Variants in ATOSB observed in about 807,000 individuals in gnomAD.
ATOSB encodes atos homolog B.
chr9:35,116,064 C>T, the ATOSB span, among the ~76,000 whole-genome samples: 1 of 152,022 alleles, frequency 6.6e-6, no homozygotes, highest in Non-Finnish European at 1.5e-5. Flanking sequence ...TTCGCGTTTT[C>T]TTTGCATTTC....
At chr9:35,111,775 G>A in the ATOSB span, among the ~76,000 whole-genome samples, 1 of 152,174 alleles carries the variant, frequency 6.6e-6, no homozygotes, top group Non-Finnish European at 1.5e-5. Flanking sequence ...GGTCCATAAG[G>A]GGGTAGGCTT....
the ATOSB span, chr9:35,105,609 CGAAGCAAGGAGAGA>C: frequency 6.7e-7 from 1 of 1,488,272 alleles, no homozygotes; most frequent in Non-Finnish European, 9.2e-7. This position sits in a 1 kb window ranked among gnomAD's most constrained non-coding sequence, Gnocchi z 5.5. Context: ...CGGACAGTAT[CGAAGCAAGGAGAGA>C]TCCTCTTCAG....
chr9:35,106,242 C>T, the ATOSB span: 2 of 1,613,064 alleles, frequency 1.2e-6, no homozygotes, highest in African/African-American at 2.7e-5. This position sits in a 1 kb window ranked among gnomAD's most constrained non-coding sequence, Gnocchi z 4.6. Flanking sequence ...GGGTTGGAGT[C>T]AAGGCATACC....
At chr9:35,106,665 A>G in the ATOSB span, 1 of 1,530,496 alleles carries the variant, frequency 6.5e-7, no homozygotes, top group Non-Finnish European at 8.9e-7. The surrounding 1 kb of genome is among the most constrained non-coding windows in gnomAD (Gnocchi z 4.6). Context: ...AGGGAAACAC[A>G]GGGGGTTGGC....
chr9:35,109,443 A>T, the ATOSB span: 1 of 152,390 alleles, frequency 6.6e-6, no homozygotes, highest in Non-Finnish European at 1.5e-5. Context: ...GCAACTAGGG[A>T]GTACCTCTCC....
the ATOSB span, among the ~76,000 whole-genome samples, chr9:35,113,809 G>A: frequency 3.9e-5 from 6 of 152,028 alleles, no homozygotes; most frequent in East Asian, 1.2e-3. Context: ...CATGAGAGCA[G>A]CAACTTTGTT....
chr9:35,109,250 C>G, the ATOSB span: 1 of 152,490 alleles, frequency 6.6e-6, no homozygotes, highest in African/African-American at 2.4e-5. Flanking sequence ...CAGCTCAGAG[C>G]TGGCCTTTCA....
At chr9:35,110,884 A>G in the ATOSB span, 9 of 152,144 alleles carry the variant, frequency 5.9e-5, no homozygotes, top group African/African-American at 2.2e-4. Flanking sequence ...ATTCCTATCC[A>G]TGTGCTTTCC....
the ATOSB span, chr9:35,106,201 A>G: frequency 6.2e-7 from 1 of 1,609,814 alleles, no homozygotes; most frequent in Non-Finnish European, 8.5e-7. The surrounding 1 kb of genome is among the most constrained non-coding windows in gnomAD (Gnocchi z 4.6). Flanking sequence ...CCCCGCCCCC[A>G]AATCCTCATC....
the ATOSB span, chr9:35,108,301 C>A: frequency 1.3e-6 from 2 of 1,517,570 alleles, no homozygotes; most frequent in Non-Finnish European, 1.8e-6. Flanking sequence ...CAGGGGGGCC[C>A]CCCAACACGG....
chr9:35,106,874 A>G, the ATOSB span: 8 of 1,571,620 alleles, frequency 5.1e-6, no homozygotes, highest in Non-Finnish European at 6.9e-6. This position sits in a 1 kb window ranked among gnomAD's most constrained non-coding sequence, Gnocchi z 4.6. Context: ...GCCCCATGGG[A>G]CCGCAGTCTG....
chr9:35,106,318 G>A, the ATOSB span: 1,340 of 1,614,196 alleles, frequency 8.3e-4, 14 homozygotes, highest in South Asian at 0.013. The surrounding 1 kb of genome is among the most constrained non-coding windows in gnomAD (Gnocchi z 4.6). Flanking sequence ...GCAGCGTGAC[G>A]TGCTGGGGGC....
the ATOSB span, chr9:35,108,298 G>C: frequency 1.3e-6 from 2 of 1,521,176 alleles, no homozygotes; most frequent in East Asian, 2.5e-5. Flanking sequence ...GGTCAGGGGG[G>C]CCCCCCAACA....
chr9:35,113,604 A>C, the ATOSB span, among the ~76,000 whole-genome samples: 1 of 151,710 alleles, frequency 6.6e-6, no homozygotes, highest in Non-Finnish European at 1.5e-5. Flanking sequence ...AGCCTGGGTG[A>C]CAGAGTGAGT....
chr9:35,105,035 C>T, the ATOSB span: 1 of 580,284 alleles, frequency 1.7e-6, no homozygotes, highest in Non-Finnish European at 2.8e-6. The surrounding 1 kb of genome is among the most constrained non-coding windows in gnomAD (Gnocchi z 5.5). Flanking sequence ...ACATGGAGTA[C>T]CCGAAGTAGG....
the ATOSB span, chr9:35,104,999 T>G: frequency 7.0e-6 from 3 of 428,390 alleles, no homozygotes; most frequent in Non-Finnish European, 1.2e-5. Flanking sequence ...TAAGCTGGCC[T>G]GGGAAACCCA....
chr9:35,106,718 C>T, the ATOSB span: 1 of 1,460,042 alleles, frequency 6.8e-7, no homozygotes, highest in Non-Finnish European at 9.4e-7. This position sits in a 1 kb window ranked among gnomAD's most constrained non-coding sequence, Gnocchi z 4.6. Context: ...TGGACTCCAC[C>T]CTCTGCCACT....
At chr9:35,106,911 G>A in the ATOSB span, 2 of 1,560,812 alleles carry the variant, frequency 1.3e-6, no homozygotes, top group East Asian at 2.4e-5. The surrounding 1 kb of genome is among the most constrained non-coding windows in gnomAD (Gnocchi z 4.6). Flanking sequence ...GAAATGATTG[G>A]GAAAAGACAC....
At chr9:35,116,352 G>T in the ATOSB span, 1 of 152,482 alleles carries the variant, frequency 6.6e-6, no homozygotes, top group Admixed American at 6.5e-5. Context: ...GATGGTCGCA[G>T]GTCGCCTGAG....
Sources: allele counts gnomAD v4.1 joint callset (sites outside exome capture counted in the v4.1 genomes callset), GRCh38; gene constraint gnomAD v4.1.1; non-coding constraint Gnocchi (gnomAD v3.1); transcripts MANE v1.5; gene names NCBI Gene and HGNC (gene_info 2026-07-23, HGNC 2026-07-21).